CCSER1: variants seen among roughly 807,000 people sequenced by gnomAD.
CCSER1 encodes the protein serine-rich coiled-coil domain-containing protein 1.
In CCSER1, 41 loss-of-function variants were observed where a neutral mutation model predicts 82.0. That is an observed-to-expected ratio of 0.50 (90% CI 0.39 to 0.65). The LOEUF (loss-of-function observed/expected upper bound fraction) is 0.65. CCSER1 is among the 30% of genes least tolerant of loss of function. CCSER1 has a pLI of 0.00. For synonymous variants in CCSER1, 414 were observed against 383.9 expected (o/e 1.08, Z -0.92); for missense variants, 1,119 against 1,064.2 (o/e 1.05, Z -0.72).
At chr4:90,603,785 G>A (rs1277258946) in intron 5 of CCSER1, among the ~76,000 whole-genome samples, 1 of 152,072 alleles carries the variant, frequency 6.6e-6, no homozygotes, top group Non-Finnish European at 1.5e-5. Flanking sequence ...GCTTTCCAGG[G>A]AGTAACTGTA....
At chr4:91,416,887 C>T (rs1012667023) in intron 10 of CCSER1, among the ~76,000 whole-genome samples, 2 of 152,146 alleles carry the variant, frequency 1.3e-5, no homozygotes, top group South Asian at 2.1e-4. Flanking sequence ...TTCTGCACAG[C>T]AAAAGAAATT....
chr4:91,364,256 AT>A (rs1046269606), intron 10 of CCSER1, among the ~76,000 whole-genome samples: 6 of 151,970 alleles, frequency 3.9e-5, no homozygotes, highest in East Asian at 1.9e-4. Flanking sequence ...AGTTACTCTA[AT>A]TTTTTTGAGG....
At chr4:91,469,200 G>A (rs925858688) in intron 10 of CCSER1, among the ~76,000 whole-genome samples, 3 of 152,048 alleles carry the variant, frequency 2.0e-5, no homozygotes, top group African/African-American at 7.2e-5. Flanking sequence ...CTTTAGGCAA[G>A]TTAAACTTCA....
chr4:91,238,529 A>G, intron 10 of CCSER1, among the ~76,000 whole-genome samples: 1 of 152,188 alleles, frequency 6.6e-6, no homozygotes, highest in East Asian at 1.9e-4. Flanking sequence ...TAAGCCTCTA[A>G]AATGGTGGTA....
At chr4:91,560,345 T>C (rs1441960835) in intron 10 of CCSER1, among the ~76,000 whole-genome samples, 2 of 151,546 alleles carry the variant, frequency 1.3e-5, no homozygotes, top group Non-Finnish European at 3.0e-5. Flanking sequence ...TTTTTCCTTT[T>C]GAAGCTTGAT....
intron 1 of CCSER1, among the ~76,000 whole-genome samples, chr4:90,294,273 A>T (rs1452821502): frequency 6.6e-6 from 1 of 152,010 alleles, no homozygotes; most frequent in Non-Finnish European, 1.5e-5. Flanking sequence ...GCTCTTAGGG[A>T]GGCAGAGGCA....
At chr4:91,422,980 T>C (rs1395448510) in intron 10 of CCSER1, among the ~76,000 whole-genome samples, 1 of 152,158 alleles carries the variant, frequency 6.6e-6, no homozygotes, top group African/African-American at 2.4e-5. Context: ...TTGTGGCTAC[T>C]AAAAATAAAA....
At chr4:91,059,429 G>T (rs1190545135) in intron 9 of CCSER1, among the ~76,000 whole-genome samples, 3 of 137,564 alleles carry the variant, frequency 2.2e-5, no homozygotes, top group Non-Finnish European at 3.1e-5. Flanking sequence ...ATTAATAAAA[G>T]ATTTTATTTG....
chr4:90,787,741 A>G (rs1754711143), intron 7 of CCSER1, among the ~76,000 whole-genome samples: 1 of 152,194 alleles, frequency 6.6e-6, no homozygotes. Context: ...TCATGTACTG[A>G]TTAGAGGTCA....
chr4:91,430,016 T>G (rs1754202466), intron 10 of CCSER1, among the ~76,000 whole-genome samples: 3 of 152,160 alleles, frequency 2.0e-5, no homozygotes, highest in Admixed American at 6.5e-5. Flanking sequence ...TTTAAAAAAT[T>G]TTTAGCTTTC....
Position 90,127,401 on chromosome 4 carries a change from C to T in CCSER1, c.-472C>T, listed in dbSNP as rs910135525. ...CTTGGGCCCGCCCTCCTCACAGCCC[C>T]GGAGCGCGGCCTGCCGGGGAGGTGG... is the stretch of plus-strand genomic sequence containing the variant. On this transcript the variant is annotated 5_prime_UTR_variant, in exon 1 of 11. Coordinates refer to ENST00000509176, the MANE Select transcript of CCSER1 (RefSeq NM_001145065.2). The T allele has an allele frequency of 1.3e-5, 2 of 152,304 alleles. No individual in the cohort carries two copies. Among genetic ancestry groups the T allele is most frequent in the Non-Finnish European group, 2.9e-5 (2 of 68,144 alleles). 9.4% of individuals were successfully genotyped at this position (152,304 alleles called of 1,614,324 possible). A position where few individuals can be genotyped will look rare whatever the true frequency, so the allele number is the denominator to read the frequency against.
intron 10 of CCSER1, among the ~76,000 whole-genome samples, chr4:91,170,325 A>G (rs1031959009): frequency 1.9e-4 from 29 of 152,358 alleles, no homozygotes; most frequent in African/African-American, 6.7e-4. Flanking sequence ...CAGATGCATG[A>G]TAAATCATGC....
intron 5 of CCSER1, among the ~76,000 whole-genome samples, chr4:90,551,389 CT>C (rs1399423723): frequency 6.6e-6 from 1 of 152,016 alleles, no homozygotes; most frequent in African/African-American, 2.4e-5. Context: ...AGTTTGTTCC[CT>C]GAAAATGACT....
chr4:91,435,658 C>A (rs58079140), intron 10 of CCSER1, among the ~76,000 whole-genome samples: 1 of 152,128 alleles, frequency 6.6e-6, no homozygotes, highest in East Asian at 1.9e-4. Context: ...TTTTTGAAAA[C>A]TTATGAACTA....
intron 10 of CCSER1, among the ~76,000 whole-genome samples, chr4:91,365,873 CT>C (rs1384965647): frequency 6.6e-6 from 1 of 152,124 alleles, no homozygotes; most frequent in Non-Finnish European, 1.5e-5. Context: ...AGCGCAGTGC[CT>C]AGCCCATGAG....
rs557509394 is a variant in CCSER1 at position 91,029,254 on chromosome 4, T to A, written c.2173-56696T>A. 2.0e-5 allele frequency among the ~76,000 whole-genome samples: 3 copies of A among 151,064 alleles called. No homozygotes were observed. In the East Asian group the frequency reaches 5.8e-4, roughly 29 times the overall value. On this transcript the variant is annotated intron_variant, in intron 9 of 10. Transcript: ENST00000509176. ...GTTTGATACATAATAGTAATTCTAATGCAGTACTTATCGTTCGGTTTTTTT... is the reference window on the plus strand; with the variant it reads ...GTTTGATACATAATAGTAATTCTAAAGCAGTACTTATCGTTCGGTTTTTTT...
At chr4:91,382,168 TG>T (rs1440202297) in intron 10 of CCSER1, among the ~76,000 whole-genome samples, 1 of 152,226 alleles carries the variant, frequency 6.6e-6, no homozygotes, top group South Asian at 2.1e-4. Flanking sequence ...CTGCCTCTAC[TG>T]GGGGGTTCCT....
chr4:91,169,967 G>T (rs1732582156), intron 10 of CCSER1, among the ~76,000 whole-genome samples: 1 of 152,088 alleles, frequency 6.6e-6, no homozygotes, highest in Admixed American at 6.6e-5. Context: ...TAGTCACTAT[G>T]GGTCAAATAC....
chr4:91,367,176 T>C (rs1277140560), intron 10 of CCSER1, among the ~76,000 whole-genome samples: 3 of 148,180 alleles, frequency 2.0e-5, no homozygotes, highest in Non-Finnish European at 3.0e-5. Context: ...AGTTCGCTTG[T>C]TATGGTGGAT....
Sources: gnomAD v4.1 joint callset for allele counts (sites outside exome capture counted in the v4.1 genomes callset) on GRCh38, gnomAD v4.1.1 for gene constraint, MANE v1.5 for transcripts, NCBI Gene and HGNC (gene_info 2026-07-23, HGNC 2026-07-21) for gene names.